Variants in CNTN5 observed in about 807,000 individuals in gnomAD.
CNTN5 encodes the protein contactin 5.
CNTN5 carries 77 observed loss-of-function variants against 129.1 expected under a neutral mutation model. The ratio of observed to expected loss-of-function variants is 0.60; its 90% confidence interval spans 0.50 to 0.72. The LOEUF (loss-of-function observed/expected upper bound fraction) is 0.72, where lower values mean the gene tolerates loss of function less well. Ranked by LOEUF, CNTN5 falls within the 30% of genes least tolerant of loss-of-function variation. The pLI is 0.00. For missense variants in CNTN5, 1,478 were observed against 1,328.8 expected (o/e 1.11, Z -1.75); for synonymous variants, 509 against 465.6 (o/e 1.09, Z -1.20).
intron 13 of CNTN5, among the ~76,000 whole-genome samples, chr11:100,086,130 GCTTAA>G (rs1368194476): frequency 6.6e-6 from 1 of 151,816 alleles, no homozygotes; most frequent in African/African-American, 2.4e-5. Context: ...TTGAGTTCAA[GCTTAA>G]CTTAGTAGCC....
At chr11:100,240,171 T>C (rs1461784004) in intron 16 of CNTN5, among the ~76,000 whole-genome samples, 1 of 152,086 alleles carries the variant, frequency 6.6e-6, no homozygotes, top group Non-Finnish European at 1.5e-5. Context: ...ACAGACACTC[T>C]CCCTGTAATC....
intron 13 of CNTN5, among the ~76,000 whole-genome samples, chr11:100,124,277 G>C (rs982433143): frequency 2.6e-5 from 4 of 151,962 alleles, no homozygotes; most frequent in South Asian, 2.1e-4. Flanking sequence ...CTGGATATTA[G>C]AAATTTGGTA....
chr11:99,225,143 T>A (rs972695677), intron 1 of CNTN5, among the ~76,000 whole-genome samples: 5 of 151,978 alleles, frequency 3.3e-5, no homozygotes, highest in Admixed American at 2.6e-4. Context: ...AAATAAAAAA[T>A]GAAAGAGGTG....
intron 6 of CNTN5, among the ~76,000 whole-genome samples, chr11:99,883,955 C>A (rs1400236448): frequency 6.6e-6 from 1 of 152,174 alleles, no homozygotes; most frequent in Non-Finnish European, 1.5e-5. Context: ...GATATTGCTT[C>A]TACCTTTTAA....
intron 13 of CNTN5, among the ~76,000 whole-genome samples, chr11:100,182,514 A>G (rs1050120334): frequency 6.6e-6 from 1 of 152,104 alleles, no homozygotes; most frequent in Non-Finnish European, 1.5e-5. Context: ...GGCTTATCAT[A>G]TGAATTTGAG....
chr11:99,967,947 G>T (rs184655061), intron 8 of CNTN5, among the ~76,000 whole-genome samples: 1 of 152,248 alleles, frequency 6.6e-6, no homozygotes, highest in Admixed American at 6.5e-5. Context: ...AATGGTACAA[G>T]TATTAAAGTA....
In CNTN5 at chr11:99,850,090, A is replaced by T. The variant is rs556383168; in HGVS notation, c.577+4828A>T. On this transcript the variant is annotated intron_variant, in intron 6 of 24. Transcript: ENST00000524871. ...TCTTCTCATTGTTCAGATTTAGTTT[A>T]AAACCACTTATTTAATTTTCCTTAC... 2.9e-4 allele frequency among the ~76,000 whole-genome samples: 43 copies of T among 148,662 alleles called. No individual in the cohort carries two copies. In the South Asian group the frequency reaches 9.1e-3, roughly 31 times the overall value.
intron 3 of CNTN5, among the ~76,000 whole-genome samples, chr11:99,628,518 A>G (rs910597198): frequency 2.6e-5 from 4 of 151,924 alleles, no homozygotes; most frequent in African/African-American, 9.7e-5. Flanking sequence ...TGTATTATAT[A>G]CAGGTATTAA....
chr11:99,481,161 G>A (rs369635254), intron 2 of CNTN5, among the ~76,000 whole-genome samples: 8 of 151,964 alleles, frequency 5.3e-5, no homozygotes, highest in African/African-American at 9.6e-5. Context: ...TGCATTCAAA[G>A]GTTCTTGCCA....
At chr11:99,033,499 G>T (rs1035818404) in intron 1 of CNTN5, among the ~76,000 whole-genome samples, 1 of 152,118 alleles carries the variant, frequency 6.6e-6, no homozygotes, top group African/African-American at 2.4e-5. Flanking sequence ...TTGTAAGTTG[G>T]ATTCCTAGGT....
At chr11:99,537,011 C>G (rs890715553) in intron 2 of CNTN5, among the ~76,000 whole-genome samples, 2 of 152,142 alleles carry the variant, frequency 1.3e-5, no homozygotes, top group African/African-American at 4.8e-5. Flanking sequence ...ATATTTGACA[C>G]TTCCAGAATA....
intron 3 of CNTN5, among the ~76,000 whole-genome samples, chr11:99,677,920 C>T (rs1953364532): frequency 6.6e-6 from 1 of 152,020 alleles, no homozygotes; most frequent in African/African-American, 2.4e-5. Context: ...CCGCTTTTGC[C>T]CTTTTTATTG....
At chr11:99,422,986 C>T (rs536421228) in intron 2 of CNTN5, among the ~76,000 whole-genome samples, 11 of 152,176 alleles carry the variant, frequency 7.2e-5, no homozygotes, top group African/African-American at 1.7e-4. Flanking sequence ...AAAACATTTT[C>T]GTTATTGAAT....
At chr11:99,269,828 A>G (rs1863091035) in intron 1 of CNTN5, among the ~76,000 whole-genome samples, 2 of 151,936 alleles carry the variant, frequency 1.3e-5, no homozygotes, top group South Asian at 2.1e-4. Flanking sequence ...CAAGAATTAG[A>G]TATAAATTGC....
intron 1 of CNTN5, among the ~76,000 whole-genome samples, chr11:99,121,110 G>T (rs1052181950): frequency 1.4e-5 from 2 of 148,002 alleles, no homozygotes; most frequent in Non-Finnish European, 3.0e-5. Context: ...AATTTTCAAG[G>T]GTTTTAACTG....
chr11:99,162,958 A>G (rs1390479672), intron 1 of CNTN5, among the ~76,000 whole-genome samples: 1 of 152,210 alleles, frequency 6.6e-6, no homozygotes, highest in African/African-American at 2.4e-5. Flanking sequence ...TGGTCAGGTG[A>G]TAGACTTCTT....
At chr11:99,596,861 A>T (rs1185928674) in intron 3 of CNTN5, among the ~76,000 whole-genome samples, 1 of 152,190 alleles carries the variant, frequency 6.6e-6, no homozygotes, top group Admixed American at 6.5e-5. Flanking sequence ...AATAAATTAT[A>T]TTGGGTTGAA....
intron 1 of CNTN5, among the ~76,000 whole-genome samples, chr11:99,126,889 G>T (rs1448874014): frequency 6.6e-6 from 1 of 152,078 alleles, no homozygotes; most frequent in African/African-American, 2.4e-5. Flanking sequence ...TATATGATCT[G>T]TCTCCTTTCT....
At chr11:99,890,148 A>G (rs561228147) in intron 6 of CNTN5, among the ~76,000 whole-genome samples, 1 of 152,320 alleles carries the variant, frequency 6.6e-6, no homozygotes, top group Non-Finnish European at 1.5e-5. Flanking sequence ...AGAATTGAAT[A>G]AAAAAGCAAT....
Sources: gnomAD v4.1 joint callset for allele counts (sites outside exome capture counted in the v4.1 genomes callset) on GRCh38, gnomAD v4.1.1 for gene constraint, MANE v1.5 for transcripts, NCBI Gene and HGNC (gene_info 2026-07-23, HGNC 2026-07-21) for gene names.